Variants in ANTXR1 observed in about 807,000 individuals in gnomAD.
ANTXR1 encodes anthrax toxin receptor 1.
A neutral mutation model predicts 78.1 loss-of-function variants in ANTXR1; 19 were observed. The ratio of observed to expected loss-of-function variants is 0.24; its 90% CI spans 0.17 to 0.36. ANTXR1 has a LOEUF of 0.36. ANTXR1 is among the 10% of genes least tolerant of loss of function. The pLI is 1.00. For synonymous variants in ANTXR1, 273 were observed against 260.5 expected (o/e 1.05, Z -0.46); for missense variants, 518 against 718.6 (o/e 0.72, Z 3.19).
chr2:69,217,759 G>A (rs1675214445), intron 17 of ANTXR1, among the ~76,000 whole-genome samples: 1 of 151,924 alleles, frequency 6.6e-6, no homozygotes, highest in African/African-American at 2.4e-5. Context: ...GTGTGTGAGG[G>A]GACTATTCAT....
At chr2:69,101,797 T>C (rs961622002) in intron 9 of ANTXR1, among the ~76,000 whole-genome samples, 1 of 152,232 alleles carries the variant, frequency 6.6e-6, no homozygotes, top group African/African-American at 2.4e-5. Flanking sequence ...ATATGCCACA[T>C]AGCATTATCC....
intron 13 of ANTXR1, among the ~76,000 whole-genome samples, chr2:69,160,909 G>A (rs572594453): frequency 2.0e-5 from 3 of 152,252 alleles, no homozygotes; most frequent in Non-Finnish European, 2.9e-5. Context: ...CCTAGAGAAC[G>A]CTGAAGCAGC....
chr2:69,181,315 G>A (rs181307800), intron 14 of ANTXR1, among the ~76,000 whole-genome samples: 39 of 152,342 alleles, frequency 2.6e-4, no homozygotes, highest in African/African-American at 9.4e-4. Flanking sequence ...CAGTAAAGAA[G>A]AGAGAGGCAG....
At chr2:69,053,586 A>G (rs1358668704) in intron 3 of ANTXR1, among the ~76,000 whole-genome samples, 1 of 152,182 alleles carries the variant, frequency 6.6e-6, no homozygotes. Flanking sequence ...CTATTATATC[A>G]GTTAGCTATT....
chr2:69,036,342 A>C (rs572006915), intron 1 of ANTXR1, among the ~76,000 whole-genome samples: 2 of 152,308 alleles, frequency 1.3e-5, no homozygotes, highest in East Asian at 3.9e-4. Flanking sequence ...TATCCCCTCA[A>C]GCATTTATCC....
chr2:69,144,059 A>G (rs575035118), intron 12 of ANTXR1, among the ~76,000 whole-genome samples: 2 of 152,332 alleles, frequency 1.3e-5, no homozygotes, highest in East Asian at 3.9e-4. Flanking sequence ...TCATCTTTCA[A>G]AATAAAAATT....
At chr2:69,164,348 T>C (rs1361444826) in intron 13 of ANTXR1, among the ~76,000 whole-genome samples, 1 of 152,186 alleles carries the variant, frequency 6.6e-6, no homozygotes, top group African/African-American at 2.4e-5. Flanking sequence ...ATATGGAGGG[T>C]TAAGAGACCA....
At chr2:69,204,080 A>G (rs1674837947) in intron 17 of ANTXR1, among the ~76,000 whole-genome samples, 1 of 152,168 alleles carries the variant, frequency 6.6e-6, no homozygotes, top group Admixed American at 6.5e-5. Context: ...TCTAAGCATG[A>G]TGATCATGTC....
intron 12 of ANTXR1, among the ~76,000 whole-genome samples, chr2:69,149,458 A>G (rs1274906004): frequency 6.6e-6 from 1 of 152,228 alleles, no homozygotes; most frequent in African/African-American, 2.4e-5. Context: ...AAGTAAAAAA[A>G]TTCCCCCAAA....
intron 10 of ANTXR1, among the ~76,000 whole-genome samples, chr2:69,106,666 C>T (rs1014777289): frequency 6.6e-5 from 10 of 152,216 alleles, no homozygotes; most frequent in Non-Finnish European, 1.3e-4. Context: ...AGCACCAAGT[C>T]AAGAAACTAG....
At chr2:69,053,880 C>T (rs1178739632) in intron 3 of ANTXR1, among the ~76,000 whole-genome samples, 1 of 152,134 alleles carries the variant, frequency 6.6e-6, no homozygotes, top group African/African-American at 2.4e-5. Flanking sequence ...AGTTTTAACT[C>T]AGTGATTTTT....
chr2:69,110,075 G>A (rs1019805498), intron 10 of ANTXR1, among the ~76,000 whole-genome samples: 4 of 152,120 alleles, frequency 2.6e-5, no homozygotes, highest in African/African-American at 7.2e-5. Context: ...CCAAGAAAAT[G>A]CAAATTGAAA....
At chr2:69,179,489 A>C (rs549485742) in intron 14 of ANTXR1, among the ~76,000 whole-genome samples, 15 of 150,650 alleles carry the variant, frequency 1.0e-4, no homozygotes, top group African/African-American at 3.7e-4. Context: ...TTGAGGCTGC[A>C]CTCCAGCCTG....
intron 2 of ANTXR1, among the ~76,000 whole-genome samples, chr2:69,041,960 C>T (rs752309230): frequency 1.4e-4 from 22 of 152,174 alleles, no homozygotes; most frequent in Non-Finnish European, 2.4e-4. Flanking sequence ...GCTGGGCTGT[C>T]GTCTGTTGAC....
intron 10 of ANTXR1, among the ~76,000 whole-genome samples, chr2:69,108,527 G>A (rs987368226): frequency 2.0e-5 from 3 of 152,180 alleles, no homozygotes; most frequent in African/African-American, 7.2e-5. Context: ...AAGTAAACTT[G>A]TGTCATGGGG....
chr2:69,091,548 C>T (rs1671237527), intron 9 of ANTXR1, among the ~76,000 whole-genome samples: 1 of 151,662 alleles, frequency 6.6e-6, no homozygotes, highest in Middle Eastern at 3.4e-3. Flanking sequence ...TCAGTGACTA[C>T]CAACACCCTA....
In ANTXR1 at chr2:69,247,153, T is replaced by A. The variant is rs1279169468; in HGVS notation, c.*1668T>A. On this transcript the variant is annotated 3_prime_UTR_variant, in exon 18 of 18. Transcript: ENST00000303714. Reference sequence around the variant, plus strand: ...ATTAAGCCCACTGATTTCTTCACAATCCTTCTCAAATTACAATTCCAAAGA... The same window carrying A: ...ATTAAGCCCACTGATTTCTTCACAAACCTTCTCAAATTACAATTCCAAAGA... 1.3e-5 allele frequency: 2 copies of A among 152,730 alleles called. 1 individual carries two copies. The highest frequency in any genetic ancestry group is 2.9e-5 in the Non-Finnish European group (2 of 68,030). The allele number at this position is 152,730 out of a possible 1,614,324, so 9.5% of individuals were successfully genotyped here.
intron 17 of ANTXR1, among the ~76,000 whole-genome samples, chr2:69,200,752 A>G (rs1003922560): frequency 1.3e-5 from 2 of 151,874 alleles, no homozygotes; most frequent in Middle Eastern, 3.4e-3. Flanking sequence ...GAGTTCATGT[A>G]TGTATGTATG....
chr2:69,246,711 G>T lies in ANTXR1; in HGVS notation c.*1226G>T, dbSNP rs558795464. ...CTGCCTGAAATTTCCACCATGCCTA[G>T]GACTCACCCCATTTATCCAGGTCTT... On this transcript the variant is annotated 3_prime_UTR_variant, in exon 18 of 18. Transcript: ENST00000303714. The T allele has an allele frequency of 6.6e-6, 1 of 152,238 alleles. No individual in the cohort carries two copies. Among genetic ancestry groups the T allele is most frequent in the African/African-American group, 2.4e-5 (1 of 41,534 alleles). The allele number at this position is 152,238 out of a possible 1,614,324, so 9.4% of individuals were successfully genotyped here. A position where few individuals can be genotyped will look rare whatever the true frequency, so the allele number is the denominator to read the frequency against.
Sources: gnomAD v4.1 joint callset for allele counts (sites outside exome capture counted in the v4.1 genomes callset) on GRCh38, gnomAD v4.1.1 for gene constraint, MANE v1.5 for transcripts, NCBI Gene and HGNC (gene_info 2026-07-23, HGNC 2026-07-21) for gene names.